IFT43: variants seen among roughly 807,000 people sequenced by gnomAD.
The protein encoded by IFT43 is intraflagellar transport protein 43 homolog.
In IFT43, 33 loss-of-function variants were observed where a neutral mutation model predicts 32.3. The observed-to-expected ratio is 1.02, with a 90% CI of 0.77 to 1.37. The LOEUF is 1.37. IFT43 is among the 40% of genes most tolerant of loss of function. The probability of loss-of-function intolerance (pLI) is 0.00; values close to 1 mark genes in which losing one functional copy is unlikely to be tolerated. For missense variants in IFT43, 274 were observed against 265.9 expected (o/e 1.03, Z -0.21); for synonymous variants, 93 against 98.2 (o/e 0.95, Z 0.31).
chr14:75,986,281 A>G (rs1230286809), intron 1 of IFT43: 1 of 1,266,788 alleles, frequency 7.9e-7, no homozygotes, highest in Non-Finnish European at 1.0e-6. Context: ...CATGGAAGGG[A>G]GGCAGGCAGG....
chr14:76,079,689 G>T (rs1010059569), intron 5 of IFT43, among the ~76,000 whole-genome samples: 1 of 152,144 alleles, frequency 6.6e-6, no homozygotes, highest in Non-Finnish European at 1.5e-5. Context: ...TAAAATGGTG[G>T]TTGCTTTTCA....
At chr14:75,990,582 A>T (rs1014678815) in intron 2 of IFT43, among the ~76,000 whole-genome samples, 5 of 152,184 alleles carry the variant, frequency 3.3e-5, no homozygotes, top group Non-Finnish European at 5.9e-5. Flanking sequence ...TGTGTGATGT[A>T]CTTACACATT....
chr14:76,023,596 G>C (rs1385174753), intron 3 of IFT43, among the ~76,000 whole-genome samples: 2 of 152,188 alleles, frequency 1.3e-5, no homozygotes, highest in African/African-American at 4.8e-5. Flanking sequence ...CTATTATCAT[G>C]ATGATGATGA....
chr14:76,022,030 C>T (rs891751591), intron 2 of IFT43, among the ~76,000 whole-genome samples: 1 of 152,208 alleles, frequency 6.6e-6, no homozygotes, highest in Non-Finnish European at 1.5e-5. Flanking sequence ...GTGGGCGGAT[C>T]ACTTGAGGTC....
At chr14:76,055,776 T>G (rs1275935944) in intron 3 of IFT43, among the ~76,000 whole-genome samples, 1 of 152,232 alleles carries the variant, frequency 6.6e-6, no homozygotes, top group African/African-American at 2.4e-5. Context: ...TAAAGAAATA[T>G]ACTCTGCCAG....
intron 2 of IFT43, among the ~76,000 whole-genome samples, chr14:76,010,695 T>C (rs1447284758): frequency 6.6e-6 from 1 of 152,092 alleles, no homozygotes; most frequent in African/African-American, 2.4e-5. Flanking sequence ...AAAAAAGATA[T>C]TTTCCTAGAA....
At chr14:75,990,374 A>G (rs1396125410) in intron 2 of IFT43, among the ~76,000 whole-genome samples, 2 of 152,220 alleles carry the variant, frequency 1.3e-5, no homozygotes, top group African/African-American at 4.8e-5. Flanking sequence ...TCAGTTTGTA[A>G]CTGCGGCCAT....
At chr14:75,999,259 ATATATATATATATG>A (rs1477654200) in intron 2 of IFT43, among the ~76,000 whole-genome samples, 24 of 21,570 alleles carry the variant, frequency 1.1e-3, no homozygotes, top group South Asian at 3.8e-3. Context: ...ATATATATAT[ATATATATATATATG>A]TATATATATT....
At chr14:75,999,248 TATATATATATATATATATATATA>T (rs1289814874) in intron 2 of IFT43, among the ~76,000 whole-genome samples, 162 of 12,594 alleles carry the variant, frequency 0.013, 10 homozygotes, top group African/African-American at 0.059. Context: ...TATATATATA[TATATATATATATATATATATATA>T]TGTATATATA....
chr14:76,045,294 C>T (rs769074558), intron 3 of IFT43, among the ~76,000 whole-genome samples: 2 of 152,172 alleles, frequency 1.3e-5, no homozygotes, highest in Admixed American at 6.5e-5. Context: ...GTGTCTCATT[C>T]GCATCCTTAG....
intron 3 of IFT43, among the ~76,000 whole-genome samples, chr14:76,044,033 T>C (rs2036757187): frequency 6.6e-6 from 1 of 151,842 alleles, no homozygotes; most frequent in South Asian, 2.1e-4. Context: ...ACAAAGCATA[T>C]GTTATTTCTC....
intron 2 of IFT43, among the ~76,000 whole-genome samples, chr14:76,006,683 A>G (rs1024497821): frequency 2.0e-5 from 3 of 152,136 alleles, no homozygotes; most frequent in African/African-American, 7.2e-5. Flanking sequence ...TTTTTTAACC[A>G]TTTAAAAAAT....
chr14:76,078,903 A>T (rs1178100067), intron 5 of IFT43, among the ~76,000 whole-genome samples: 1 of 152,118 alleles, frequency 6.6e-6, no homozygotes, highest in Non-Finnish European at 1.5e-5. Context: ...TGGGACTCTG[A>T]TGTGGTGCCT....
rs568168238 is a variant in IFT43 at position 76,052,309 on chromosome 14, T to C, written c.216-6333T>C. ...TCCATTAAACTCGAGAGAAACATTTTAACTGAGGTGATGTCTACATTAGGG... is the reference window on the plus strand; with the variant it reads ...TCCATTAAACTCGAGAGAAACATTTCAACTGAGGTGATGTCTACATTAGGG... On this transcript the variant is annotated intron_variant, in intron 3 of 8. Transcript: ENST00000314067. Among the ~76,000 whole-genome samples, 5 of 152,320 alleles carry C rather than the reference T, an allele frequency of 3.3e-5. No individual in the cohort carries two copies. In the South Asian group the frequency reaches 8.3e-4, roughly 25 times the overall value.
intron 2 of IFT43, among the ~76,000 whole-genome samples, chr14:76,008,760 C>T (rs188325199): frequency 3.3e-5 from 5 of 152,322 alleles, no homozygotes; most frequent in Admixed American, 1.3e-4. Flanking sequence ...AGTAAAGACA[C>T]AGCTATTTTC....
chr14:75,994,938 CT>C (rs2139876249), intron 2 of IFT43, among the ~76,000 whole-genome samples: 1 of 152,334 alleles, frequency 6.6e-6, no homozygotes, highest in East Asian at 1.9e-4. Context: ...GGCAAAACCT[CT>C]CCAGGGCTAG....
chr14:76,076,362 C>G (rs759314237), intron 5 of IFT43, among the ~76,000 whole-genome samples: 30 of 152,154 alleles, frequency 2.0e-4, no homozygotes, highest in Non-Finnish European at 1.8e-4. Context: ...ACCAGGGAAT[C>G]CTATTCAGAA....
chr14:76,015,489 G>A (rs1382938618), intron 2 of IFT43, among the ~76,000 whole-genome samples: 1 of 152,144 alleles, frequency 6.6e-6, no homozygotes, highest in African/African-American at 2.4e-5. Context: ...TGTTGGGGTG[G>A]AGGAAATGAA....
chr14:76,019,149 T>C (rs574176955), intron 2 of IFT43, among the ~76,000 whole-genome samples: 1 of 152,324 alleles, frequency 6.6e-6, no homozygotes, highest in Admixed American at 6.5e-5. Flanking sequence ...GTTTGAATTC[T>C]TTCTCTTTCC....
Sources: allele counts gnomAD v4.1 joint callset (sites outside exome capture counted in the v4.1 genomes callset), GRCh38; gene constraint gnomAD v4.1.1; transcripts MANE v1.5; gene names NCBI Gene and HGNC (gene_info 2026-07-23, HGNC 2026-07-21).